IFT22: variants seen among roughly 807,000 people sequenced by gnomAD.
The protein encoded by IFT22 is intraflagellar transport protein 22 homolog.
In IFT22, 13 loss-of-function variants were observed where a neutral mutation model predicts 21.0. The ratio of observed to expected loss-of-function variants is 0.62; its 90% CI spans 0.40 to 0.98. The LOEUF (loss-of-function observed/expected upper bound fraction) is 0.98. Ranked by LOEUF, IFT22 falls within the 50% of genes least tolerant of loss-of-function variation. The probability of loss-of-function intolerance (pLI) is 0.00; values close to 1 mark genes in which losing one functional copy is unlikely to be tolerated. For synonymous variants in IFT22, 67 were observed against 82.4 expected (o/e 0.81, Z 1.01); for missense variants, 227 against 228.9 (o/e 0.99, Z 0.06).
Position 101,313,998 on chromosome 7 carries a change from A to C in IFT22, c.*1136T>G, listed in dbSNP as rs1187745947. ...CAGCCACCTGAGTAGCTGGTATTAC[A>C]GGCGTGTGCCAACACACCCTGTGAA... is the stretch of plus-strand genomic sequence containing the variant. On this transcript the variant is annotated 3_prime_UTR_variant, in exon 5 of 5. Coordinates refer to ENST00000315322, the MANE Select transcript of IFT22 (RefSeq NM_022777.4). 6.6e-6 allele frequency: 1 copy of C among 151,934 alleles called. No homozygotes were observed. The highest frequency in any genetic ancestry group is 2.4e-5 in the African/African-American group (1 of 41,284). The allele number at this position is 151,934 out of a possible 1,614,324, so 9.4% of individuals were successfully genotyped here. A position where few individuals can be genotyped will look rare whatever the true frequency, so the allele number is the denominator to read the frequency against.
At chr7:101,320,364 G>A (rs377306481) in intron 1 of IFT22, among the ~76,000 whole-genome samples, 1 of 151,210 alleles carries the variant, frequency 6.6e-6, no homozygotes, top group East Asian at 2.0e-4. Flanking sequence ...TCCACCTCCC[G>A]GGTTCACGCC....
rs1790100281 is a variant in IFT22 at position 101,315,023 on chromosome 7, CCTCTG to C, written c.*106_*110del. The C allele has an allele frequency of 1.6e-6, 2 of 1,226,284 alleles. No homozygotes were observed. The highest frequency in any genetic ancestry group is 2.3e-6 in the Non-Finnish European group (2 of 881,386). The allele number at this position is 1,226,284 out of a possible 1,614,324, so 76.0% of individuals were successfully genotyped here. On this transcript the variant is annotated 3_prime_UTR_variant, in exon 5 of 5. Coordinates refer to ENST00000315322, the MANE Select transcript of IFT22 (RefSeq NM_022777.4). ...TGCCTTCCTGCAGGTAGGAACACTT[CCTCTG>C]CAGTCAGAGGGAGAAGAAAACATCA...
Position 101,316,360 on chromosome 7 carries a change from T to A in IFT22, c.389A>T (p.Asp130Val). The change falls in exon 4 of 5, where the codon GAT becomes GTT. Residue 130 changes from aspartate to valine, a missense_variant. Coordinates refer to ENST00000315322, the MANE Select transcript of IFT22 (RefSeq NM_022777.4). ...CTTACACAAAGACAGGCTTCCTTTA[T>A]CATCTCCAGAGCCTGGTTTGTGGTG... is the stretch of plus-strand genomic sequence containing the variant. Reference protein sequence around the residue: ...IAHHKPGSGDDKGSLSLSPPL... With the variant: ...IAHHKPGSGDVKGSLSLSPPL... 1 of 1,614,170 alleles carries A rather than the reference T, an allele frequency of 6.2e-7. No individual in the cohort carries two copies. Among genetic ancestry groups the A allele is most frequent in the Non-Finnish European group, 8.5e-7 (1 of 1,180,036 alleles).
At chr7:101,321,398 G>C (rs1790343376) in intron 1 of IFT22, 2 of 488,244 alleles carry the variant, frequency 4.1e-6, no homozygotes, top group Admixed American at 3.9e-5. Flanking sequence ...CGAAACCTAG[G>C]CTATGGTTCC....
rs966071168 is a variant in IFT22 at position 101,312,933 on chromosome 7, A to G, written c.*2201T>C. On this transcript the variant is annotated 3_prime_UTR_variant, in exon 5 of 5. Coordinates refer to ENST00000315322, the MANE Select transcript of IFT22 (RefSeq NM_022777.4). The stretch of plus-strand genomic sequence containing the variant: ...ACTGCAACCTCCGCCTCCCAGGTTC[A>G]AGCGATTCTCCTGCCTCAGCTTCCC... 2.0e-5 allele frequency among the ~76,000 whole-genome samples: 3 copies of G among 152,168 alleles called. No homozygotes were observed. In the East Asian group the frequency reaches 5.8e-4, roughly 29 times the overall value.
chr7:101,319,196 T>G (rs1790256059), intron 1 of IFT22, 164 bp from the exon 2 acceptor site: 2 of 630,586 alleles, frequency 3.2e-6, no homozygotes, highest in African/African-American at 3.6e-5. Context: ...TCTAGTGCAG[T>G]GGGCACAGCC....
chr7:101,320,050 G>A (rs1410955526), intron 1 of IFT22, among the ~76,000 whole-genome samples: 4 of 151,788 alleles, frequency 2.6e-5, no homozygotes, highest in Non-Finnish European at 4.4e-5. Flanking sequence ...TCTGCCTCCC[G>A]GATTCAAGCA....
At position 101,312,936 on chromosome 7, in the gene IFT22, C is replaced by T. The variant is rs1310052253; in HGVS notation, c.*2198G>A. Reference sequence around the variant, plus strand: ...GCAACCTCCGCCTCCCAGGTTCAAGCGATTCTCCTGCCTCAGCTTCCCAGG... The same window carrying T: ...GCAACCTCCGCCTCCCAGGTTCAAGTGATTCTCCTGCCTCAGCTTCCCAGG... On this transcript the variant is annotated 3_prime_UTR_variant, in exon 5 of 5. Coordinates refer to ENST00000315322, the MANE Select transcript of IFT22 (RefSeq NM_022777.4). Among the ~76,000 whole-genome samples, 1 of 151,916 alleles carries T rather than the reference C, an allele frequency of 6.6e-6. No homozygotes were observed. The highest frequency in any genetic ancestry group is 1.5e-5 in the Non-Finnish European group (1 of 68,000).
At chr7:101,316,693 G>C in intron 3 of IFT22, 151 bp from the exon 4 acceptor site, 1 of 678,520 alleles carries the variant, frequency 1.5e-6, no homozygotes. Context: ...GGGAGGCCGA[G>C]GCGGGCGATC....
At chr7:101,320,498 A>G (rs1790305164) in intron 1 of IFT22, among the ~76,000 whole-genome samples, 1 of 144,782 alleles carries the variant, frequency 6.9e-6, no homozygotes, top group Non-Finnish European at 1.5e-5. Flanking sequence ...TGACCTTGTG[A>G]TATGCCTGCC....
At chr7:101,315,422 A>C (rs1237011850) in intron 4 of IFT22, 140 bp from the exon 5 acceptor site, 1 of 912,524 alleles carries the variant, frequency 1.1e-6, no homozygotes, top group African/African-American at 1.7e-5. Flanking sequence ...AGAACAGAGA[A>C]TGGGTTTGCT....
intron 1 of IFT22, 165 bp downstream of exon 1, chr7:101,321,506 G>C: frequency 1.5e-6 from 1 of 655,536 alleles, no homozygotes; most frequent in Non-Finnish European, 2.6e-6. Flanking sequence ...AGGTCTGAAA[G>C]CACCGAGTTC....
chr7:101,319,484 G>C (rs1790266169), intron 1 of IFT22, among the ~76,000 whole-genome samples: 1 of 151,992 alleles, frequency 6.6e-6, no homozygotes, highest in Non-Finnish European at 1.5e-5. Context: ...GGGCCTCCCA[G>C]AGTGCTGGGT....
At position 101,316,872 on chromosome 7, in the gene IFT22, T is replaced by C. The variant is rs370038261; in HGVS notation, c.207-330A>G. On this transcript the variant is annotated intron_variant, in intron 3 of 4. Coordinates refer to ENST00000315322, the MANE Select transcript of IFT22 (RefSeq NM_022777.4). ...CCAGGAGGCAGAGCTTGCAGTGAGC[T>C]GAGATCGTGCCACTGCACTCCAGCG... is the stretch of plus-strand genomic sequence containing the variant. Among the ~76,000 whole-genome samples the C allele has an allele frequency of 2.4e-4, 36 of 152,014 alleles. 1 individual carries two copies. The South Asian group carries it at 6.6e-3, about 28-fold the overall frequency.
rs993606068 is a variant in IFT22, at chr7:101,311,750, A to G, written c.*3384T>C. On this transcript the variant is annotated 3_prime_UTR_variant, in exon 5 of 5. Transcript: ENST00000315322. The stretch of plus-strand genomic sequence containing the variant: ...TCCATGGCTGGGTGCAGTGGCTCAC[A>G]CCTGTAATCCCAGCACTTTGGGAGG... 6.6e-6 allele frequency among the ~76,000 whole-genome samples: 1 copy of G among 152,286 alleles called. No individual in the cohort carries two copies. Among genetic ancestry groups the G allele is most frequent in the South Asian group, 2.1e-4 (1 of 4,822 alleles).
intron 1 of IFT22, chr7:101,321,456 G>A: frequency 1.8e-6 from 1 of 559,618 alleles, no homozygotes; most frequent in Non-Finnish European, 3.1e-6. Context: ...TTAACACCGG[G>A]CTCGCCTCCA....
In IFT22 at chr7:101,316,506, A is replaced by G. The variant is rs1229643240; in HGVS notation, c.243T>C (p.Ala81=). 6.2e-7 allele frequency: 1 copy of G among 1,614,174 alleles called. No homozygotes were observed. Among genetic ancestry groups the G allele is most frequent in the East Asian group, 2.2e-5 (1 of 44,878 alleles). ...ESCWPALMKD[A]HGVVIVFNAD... Reference sequence around the variant, plus strand: ...CATTGAAGACGATCACCACTCCATGAGCATCCTTCATCAGGGCCGGCCAGC... The same window carrying G: ...CATTGAAGACGATCACCACTCCATGGGCATCCTTCATCAGGGCCGGCCAGC... The change falls in exon 4 of 5, where the codon GCT becomes GCC. Residue 81 remains alanine, a synonymous_variant. Transcript: ENST00000315322.
In IFT22 at chr7:101,317,152, T is replaced by A. The variant is rs546260300; in HGVS notation, c.207-610A>T. On this transcript the variant is annotated intron_variant, in intron 3 of 4. Coordinates refer to ENST00000315322, the MANE Select transcript of IFT22 (RefSeq NM_022777.4). Reference sequence around the variant, plus strand: ...GGATGATTTCTTCATTAAAAAAAAATTATTATTATTATTATTATTTTTGGA... The same window carrying A: ...GGATGATTTCTTCATTAAAAAAAAAATATTATTATTATTATTATTTTTGGA... Among the ~76,000 whole-genome samples the A allele has an allele frequency of 1.2e-3, 187 of 151,076 alleles. 1 individual carries two copies. Among genetic ancestry groups the A allele is most frequent in the Middle Eastern group, 6.9e-3 (2 of 288 alleles).
chr7:101,311,054 C>T lies in IFT22; in HGVS notation c.*4080G>A, dbSNP rs1339834561. 5.2e-5 allele frequency: 13 copies of T among 249,824 alleles called. 1 individual carries two copies. Among genetic ancestry groups the T allele is most frequent in the South Asian group, 3.5e-4 (9 of 25,410 alleles). The allele number at this position is 249,824 out of a possible 1,614,324, so 15.5% of individuals were successfully genotyped here. ...TGTCGCCCAGGCTGGAGTGCAGTGG[C>T]GGGACCTCGGCTCACTGCAAGCTCC... On this transcript the variant is annotated 3_prime_UTR_variant, in exon 5 of 5. Coordinates refer to ENST00000315322, the MANE Select transcript of IFT22 (RefSeq NM_022777.4).
Sources: allele counts gnomAD v4.1 joint callset (sites outside exome capture counted in the v4.1 genomes callset), GRCh38; gene constraint gnomAD v4.1.1; transcripts MANE v1.5; gene names NCBI Gene and HGNC (gene_info 2026-07-23, HGNC 2026-07-21).